Variants in PUM3 observed in about 807,000 individuals in gnomAD.
PUM3 encodes pumilio RNA binding family member 3, also known as pumilio homolog 3.
A neutral mutation model predicts 84.0 loss-of-function variants in PUM3; 91 were observed. The observed-to-expected ratio is 1.08, with a 90% CI of 0.91 to 1.29. The LOEUF (loss-of-function observed/expected upper bound fraction) is 1.29, where lower values mean the gene tolerates loss of function less well. Ranked by LOEUF, PUM3 falls within the 50% of genes most tolerant of loss-of-function variation. The pLI is 0.00. For synonymous variants in PUM3, 321 were observed against 266.7 expected, an observed-to-expected ratio of 1.20 and a Z score of -1.98; for missense variants, 1,067 against 767.5, an observed-to-expected ratio of 1.39 and a Z score of -4.61.
Position 2,811,445 on chromosome 9 carries a change from A to C in PUM3, c.1551T>G (p.Ser517=), listed in dbSNP as rs2129794489. 6.2e-7 allele frequency: 1 copy of C among 1,614,178 alleles called. No individual in the cohort carries two copies. Among genetic ancestry groups the C allele is most frequent in the Middle Eastern group, 1.6e-4 (1 of 6,062 alleles). ...TGGTAGGCTGAACGTCTCCAGTGGC[A>C]GATCCCAGAATGTCAGACACCAACA... is the stretch of plus-strand genomic sequence containing the variant. The part of the protein sequence containing the change: ...ACVLVSDILG[S]ATGDVQPTMN... Residue 517 remains serine, a synonymous_variant, in exon 15 of 18, where the codon TCT becomes TCG. Coordinates refer to ENST00000397885, the MANE Select transcript of PUM3 (RefSeq NM_014878.5).
chr9:2,828,821 A>T (rs371793276), intron 8 of PUM3, 43 bp from the exon 9 acceptor site: 1 of 1,074,160 alleles, frequency 9.3e-7, no homozygotes, highest in Non-Finnish European at 1.4e-6. Flanking sequence ...AATTTAATCA[A>T]TTTTTTCACT....
chr9:2,837,155 CA>C, intron 3 of PUM3, 24 bp downstream of exon 3: 1 of 1,586,262 alleles, frequency 6.3e-7, no homozygotes, highest in Non-Finnish European at 8.7e-7. Context: ...GGCACTAGTT[CA>C]GGCATGAACG....
At chr9:2,839,323 G>A (rs1816208952) in intron 1 of PUM3, among the ~76,000 whole-genome samples, 2 of 152,138 alleles carry the variant, frequency 1.3e-5, no homozygotes, top group Non-Finnish European at 2.9e-5. Flanking sequence ...GTAAACAACA[G>A]ATGTTAGGGA....
chr9:2,829,971 A>G (rs1270600499), intron 7 of PUM3, 23 bp from the exon 8 acceptor site: 1 of 1,588,094 alleles, frequency 6.3e-7, no homozygotes. Context: ...CAATCATGGA[A>G]AAATAAATGA....
intron 16 of PUM3, among the ~76,000 whole-genome samples, chr9:2,808,275 G>T (rs192554172): frequency 1.2e-3 from 184 of 152,306 alleles, no homozygotes; most frequent in African/African-American, 4.2e-3. Context: ...CTCATGCTTG[G>T]TTGAAATCAA....
intron 9 of PUM3, 94 bp from the exon 10 acceptor site, chr9:2,827,245 C>A: frequency 1.3e-6 from 1 of 794,594 alleles, no homozygotes; most frequent in Non-Finnish European, 2.0e-6. Flanking sequence ...GTAATCTAAA[C>A]AAGTGAAATG....
intron 3 of PUM3, among the ~76,000 whole-genome samples, chr9:2,836,327 A>C (rs1052507015): frequency 3.3e-5 from 5 of 152,200 alleles, no homozygotes; most frequent in Non-Finnish European, 1.5e-5. Flanking sequence ...AAGGCACCAG[A>C]AAAATTCTCA....
chr9:2,804,708 T>C (rs1398519243), intron 17 of PUM3, among the ~76,000 whole-genome samples: 3 of 152,200 alleles, frequency 2.0e-5, no homozygotes, highest in Non-Finnish European at 4.4e-5. Flanking sequence ...CCAACATCAT[T>C]CCATACAGAG....
intron 1 of PUM3, among the ~76,000 whole-genome samples, chr9:2,842,550 C>G (rs936075379): frequency 6.6e-6 from 1 of 152,142 alleles, no homozygotes; most frequent in African/African-American, 2.4e-5. Context: ...GTTTAAATGA[C>G]ATTTTCTTAT....
Position 2,827,136 on chromosome 9 carries a change from C to T in PUM3, c.972G>A (p.Lys324=). 3 of 1,608,196 alleles carry T rather than the reference C, an allele frequency of 1.9e-6. No homozygotes were observed. Among genetic ancestry groups the T allele is most frequent in the Non-Finnish European group, 2.5e-6 (3 of 1,177,738 alleles). ...TPMAQKEAVI[K]HSLVHKVFLD... The stretch of plus-strand genomic sequence containing the variant: ...AGAATACTTTATGCACCAATGAGTG[C>T]TTAATCACAGCTTCCCTGAAAACAG... Residue 324 remains lysine, a synonymous_variant, in exon 10 of 18, where the codon AAG becomes AAA. Transcript: ENST00000397885.
chr9:2,833,303 G>C lies in PUM3; in HGVS notation c.516+54C>G, dbSNP rs115143592. ...GTCATGAATGGTCAGCTACTCCTGA[G>C]AGTGAGGCAACTTCAACTGTTAAAA... On this transcript the variant is annotated intron_variant, in intron 5 of 17. Coordinates refer to ENST00000397885, the MANE Select transcript of PUM3 (RefSeq NM_014878.5). The C allele has an allele frequency of 3.0e-3, 2,770 of 923,668 alleles. 48 individuals are homozygous for C. The African/African-American group carries it at 0.039, about 13-fold the overall frequency. 57.2% of individuals were successfully genotyped at this position (923,668 alleles called of 1,614,324 possible).
At chr9:2,841,415 T>C (rs1816260312) in intron 1 of PUM3, among the ~76,000 whole-genome samples, 1 of 151,952 alleles carries the variant, frequency 6.6e-6, no homozygotes, top group African/African-American at 2.4e-5. Flanking sequence ...AAATACAAAA[T>C]TTAGCTGGGC....
chr9:2,815,897 A>G (rs929433208), intron 13 of PUM3, among the ~76,000 whole-genome samples: 4 of 152,342 alleles, frequency 2.6e-5, no homozygotes, highest in African/African-American at 9.6e-5. Context: ...CAAAGAAAGC[A>G]TGGGAATTAC....
chr9:2,831,980 C>T (rs993173100), intron 5 of PUM3, among the ~76,000 whole-genome samples: 5 of 152,084 alleles, frequency 3.3e-5, no homozygotes, highest in African/African-American at 1.2e-4. Flanking sequence ...GTTGGAAGGA[C>T]CCACTGACCA....
chr9:2,842,465 A>G (rs2129901412), intron 1 of PUM3, among the ~76,000 whole-genome samples: 1 of 152,334 alleles, frequency 6.6e-6, no homozygotes, highest in South Asian at 2.1e-4. Flanking sequence ...CACAGGAGCC[A>G]CTATTCTTAT....
chr9:2,812,778 G>C (rs999670086), intron 13 of PUM3, among the ~76,000 whole-genome samples: 1 of 152,096 alleles, frequency 6.6e-6, no homozygotes, highest in Non-Finnish European at 1.5e-5. Flanking sequence ...CAAGCCCAAG[G>C]ACTTAAAAAA....
rs762893697 is a variant in PUM3 at position 2,823,788 on chromosome 9, A to T, written c.1181T>A (p.Val394Glu). Reference sequence around the variant, plus strand: ...TAGTTTTATTATACTTACATTAGCCACCTTTTCAACATAAGTCTTCATTGT... The same window carrying T: ...TAGTTTTATTATACTTACATTAGCCTCCTTTTCAACATAAGTCTTCATTGT... ...VKTMKTYVEK[V>E]ANGQYSHLVL... Residue 394 changes from valine to glutamate, a missense_variant, in exon 12 of 18, where the codon GTG becomes GAG. Physicochemically the swap from Val to Glu is moderately radical, Grantham distance 121. Transcript: ENST00000397885. 1 of 1,458,790 alleles carries T rather than the reference A, an allele frequency of 6.9e-7. No homozygotes were observed. The allele number at this position is 1,458,790 out of a possible 1,614,324, so 90.4% of individuals were successfully genotyped here.
chr9:2,819,851 G>A (rs902282375), intron 13 of PUM3, among the ~76,000 whole-genome samples, 167 bp downstream of exon 13: 4 of 152,020 alleles, frequency 2.6e-5, no homozygotes. Flanking sequence ...ATTTACACAG[G>A]AATAAAACAA....
At chr9:2,820,454 T>G (rs1351482574) in intron 12 of PUM3, among the ~76,000 whole-genome samples, 1 of 151,994 alleles carries the variant, frequency 6.6e-6, no homozygotes, top group East Asian at 1.9e-4. Context: ...AAGATTAACT[T>G]CAAAAAACCT....
Sources: gnomAD v4.1 joint callset for allele counts (sites outside exome capture counted in the v4.1 genomes callset) on GRCh38, gnomAD v4.1.1 for gene constraint, MANE v1.5 for transcripts, NCBI Gene and HGNC (gene_info 2026-07-23, HGNC 2026-07-21) for gene names.